The following ATAD5 variants were observed in gnomAD, a reference collection of about 807,000 sequenced individuals.
ATAD5 encodes the protein ATPase family AAA domain-containing protein 5.
A neutral mutation model predicts 176.9 loss-of-function variants in ATAD5; 58 were observed. The ratio of observed to expected loss-of-function variants is 0.33; its 90% CI spans 0.27 to 0.41. The LOEUF (loss-of-function observed/expected upper bound fraction) is 0.41. Ranked by LOEUF, ATAD5 falls within the 10% of genes least tolerant of loss-of-function variation. ATAD5 has a pLI of 1.00. For synonymous variants in ATAD5, 640 were observed against 712.6 expected, an observed-to-expected ratio of 0.90 and a Z score of 1.62; for missense variants, 1,789 against 2,094.1, an observed-to-expected ratio of 0.85 and a Z score of 2.84.
intron 19 of ATAD5, among the ~76,000 whole-genome samples, chr17:30,887,777 C>G (rs111305917): frequency 0.24 from 35,961 of 151,998 alleles, 4,388 homozygotes; most frequent in Middle Eastern, 0.28. Flanking sequence ...GATTATGCCA[C>G]TGCACTCCGG....
intron 10 of ATAD5, 109 bp downstream of exon 10, chr17:30,860,721 A>G (rs778614124): frequency 1.4e-5 from 13 of 901,600 alleles, no homozygotes; most frequent in Non-Finnish European, 2.0e-5. Context: ...TTTTAATTCA[A>G]TTGTATTTTA....
intron 19 of ATAD5, among the ~76,000 whole-genome samples, chr17:30,888,287 C>G (rs1189389411): frequency 6.6e-6 from 1 of 152,128 alleles, no homozygotes; most frequent in Non-Finnish European, 1.5e-5. Flanking sequence ...CACAGTGTCT[C>G]ACAACTGTAA....
Position 30,857,742 on chromosome 17 carries a change from AT to A in ATAD5, c.2794-403del, listed in dbSNP as rs56075512. ...AGCTTTATATTTAGTGACTAAAGCT[AT>A]TTTTTTTTTTTTTTTGAGTTGGAGT... On this transcript the variant is annotated intron_variant, in intron 8 of 22. Coordinates refer to ENST00000321990, the MANE Select transcript of ATAD5 (RefSeq NM_024857.5). Among the ~76,000 whole-genome samples, 398 of 138,162 alleles carry A rather than the reference AT, an allele frequency of 2.9e-3. 1 individual carries two copies. The highest frequency in any genetic ancestry group is 7.6e-3 in the Middle Eastern group (2 of 262). 90.6% of individuals were successfully genotyped at this position (138,162 alleles called of 152,430 possible).
At chr17:30,868,493 ATTTC>A (rs1908131827) in intron 12 of ATAD5, 81 bp downstream of exon 12, 3 of 919,198 alleles carry the variant, frequency 3.3e-6, no homozygotes, top group Non-Finnish European at 2.9e-6. Context: ...TTTCTATAAA[ATTTC>A]TTTTTTTTTT....
Position 30,843,943 on chromosome 17 carries a change from A to T in ATAD5, c.2272A>T (p.Thr758Ser). Residue 758 changes from threonine to serine, a missense_variant, in exon 5 of 23, where the codon ACT becomes TCT. Thr to Ser is a moderately conservative substitution (Grantham distance 58). Around this residue, in one of 6 missense-constraint regions of ATAD5, gnomAD observed 487 missense variants for 573.6 expected, o/e 0.85. Coordinates refer to ENST00000321990, the MANE Select transcript of ATAD5 (RefSeq NM_024857.5). ...TGTTATAATAATAGATTCAAGTCCT[A>T]CTGCTTTAAAGCATCCAGAGAAAAA... ...DSVIIIDSSPTALKHPEKNQK... is the reference protein window; with the variant it reads ...DSVIIIDSSPSALKHPEKNQK... 6.8e-7 allele frequency: 1 copy of T among 1,473,158 alleles called. No homozygotes were observed. 91.3% of individuals were successfully genotyped at this position (1,473,158 alleles called of 1,614,324 possible).
Position 30,893,971 on chromosome 17 carries a change from A to G in ATAD5, c.5118A>G (p.Gly1706=). ...SNDGWTSQSS[G]ELKAAAEALS... ...ATGGATGGACTTCTCAAAGCTCTGG[A>G]GAATTAAAGGCAGCTGCAGAAGCTC... Residue 1706 remains glycine, a synonymous_variant, in exon 21 of 23, where the codon GGA becomes GGG. Coordinates refer to ENST00000321990, the MANE Select transcript of ATAD5 (RefSeq NM_024857.5). 2 of 1,614,080 alleles carry G rather than the reference A, an allele frequency of 1.2e-6. No individual in the cohort carries two copies. The highest frequency in any genetic ancestry group is 1.7e-6 in the Non-Finnish European group (2 of 1,179,952).
At chr17:30,891,226 GT>G (rs1345191853) in intron 19 of ATAD5, among the ~76,000 whole-genome samples, 1 of 151,958 alleles carries the variant, frequency 6.6e-6, no homozygotes, top group Non-Finnish European at 1.5e-5. Flanking sequence ...GTATATGATG[GT>G]TTTTTTATGT....
At chr17:30,891,619 C>T (rs375085634) in intron 19 of ATAD5, among the ~76,000 whole-genome samples, 3 of 151,670 alleles carry the variant, frequency 2.0e-5, no homozygotes, top group East Asian at 2.0e-4. Flanking sequence ...GTGATCCACC[C>T]GCCTCGGCCT....
intron 3 of ATAD5, 92 bp from the exon 4 acceptor site, chr17:30,840,525 T>G: frequency 4.3e-6 from 4 of 933,606 alleles, no homozygotes; most frequent in Non-Finnish European, 5.9e-6. Context: ...CTTTGTTGAT[T>G]ATTTAATGTG....
chr17:30,835,807 C>T lies in ATAD5; in HGVS notation c.1726C>T (p.Gln576Ter). The change falls in exon 2 of 23, where the codon CAG (glutamine) becomes TAG (stop). Residue 576 changes from glutamine (Q) to a stop codon, truncating the protein, a stop_gained. Coordinates refer to ENST00000321990, the MANE Select transcript of ATAD5 (RefSeq NM_024857.5). LOFTEE classifies it high-confidence loss of function. The part of the protein sequence containing the change: ...SIPVKDIKLT[Q>*]SKAESEASLL... Reference sequence around the variant, plus strand: ...ACCAGTTAAAGATATTAAGCTTACACAGTCTAAAGCTGAATCTGAAGCCAG... The same window carrying T: ...ACCAGTTAAAGATATTAAGCTTACATAGTCTAAAGCTGAATCTGAAGCCAG... 1 of 1,612,368 alleles carries T rather than the reference C, an allele frequency of 6.2e-7. No individual in the cohort carries two copies. The highest frequency in any genetic ancestry group is 8.5e-7 in the Non-Finnish European group (1 of 1,179,500).
At chr17:30,851,664 C>T (rs1200803167) in intron 6 of ATAD5, among the ~76,000 whole-genome samples, 1 of 152,002 alleles carries the variant, frequency 6.6e-6, no homozygotes, top group Non-Finnish European at 1.5e-5. Flanking sequence ...CTCACTGCAT[C>T]CTCCGCCTCC....
chr17:30,852,566 T>C (rs1414872052), intron 6 of ATAD5, among the ~76,000 whole-genome samples: 2 of 152,172 alleles, frequency 1.3e-5, no homozygotes, highest in African/African-American at 4.8e-5. Flanking sequence ...CGGTAATTTA[T>C]AGAGAAAAAG....
chr17:30,882,372 G>A (rs948973950), intron 18 of ATAD5, among the ~76,000 whole-genome samples: 1 of 152,072 alleles, frequency 6.6e-6, no homozygotes, highest in African/African-American at 2.4e-5. Context: ...AGACCAGCCT[G>A]GGCAACATTG....
At chr17:30,876,574 T>A in intron 15 of ATAD5, 24 bp downstream of exon 15, 5 of 1,435,714 alleles carry the variant, frequency 3.5e-6, no homozygotes, top group Non-Finnish European at 4.8e-6. Context: ...TTGACAAATT[T>A]TATATTTTTT....
At position 30,894,894 on chromosome 17, in the gene ATAD5, TG is replaced by T; in HGVS notation, c.5518del (p.Ala1840GlnfsTer10). On this transcript the variant is annotated frameshift_variant, in exon 23 of 23. Coordinates refer to ENST00000321990, the MANE Select transcript of ATAD5 (RefSeq NM_024857.5). LOFTEE classifies it high-confidence loss of function. Reference protein sequence around the residue: ...LDIPKETVNTLAADFP With the variant: ...LDIPKETVNTXAADFP Reference sequence around the variant, plus strand: ...ATTCCAAAAGAGACTGTGAATACTTTGGCAGCTGACTTCCCTTAATGTTCCA... The same window carrying T: ...ATTCCAAAAGAGACTGTGAATACTTTGCAGCTGACTTCCCTTAATGTTCCA... 1 of 1,598,992 alleles carries T rather than the reference TG, an allele frequency of 6.3e-7. No homozygotes were observed. The highest frequency in any genetic ancestry group is 8.5e-7 in the Non-Finnish European group (1 of 1,175,522).
chr17:30,868,569 G>T (rs1193724122), intron 12 of ATAD5, among the ~76,000 whole-genome samples, 157 bp downstream of exon 12: 2 of 148,060 alleles, frequency 1.4e-5, no homozygotes, highest in African/African-American at 5.0e-5. Flanking sequence ...GTGCAGTGGC[G>T]CAATCTCGGC....
In ATAD5 at chr17:30,836,004, A is replaced by G; in HGVS notation, c.1923A>G (p.Thr641=). Residue 641 remains threonine, a synonymous_variant, in exon 2 of 23, where the codon ACA becomes ACG. Transcript: ENST00000321990. ...TATCGGAAAAGCACAGCTTATATAC[A>G]GCAGAATTAATAACAGTACCCTTTG... is the stretch of plus-strand genomic sequence containing the variant. The part of the protein sequence containing the change: ...ANLSEKHSLY[T]AELITVPFDS... The G allele has an allele frequency of 6.2e-7, 1 of 1,610,968 alleles. No individual in the cohort carries two copies. Among genetic ancestry groups the G allele is most frequent in the East Asian group, 2.2e-5 (1 of 44,858 alleles).
intron 18 of ATAD5, among the ~76,000 whole-genome samples, chr17:30,886,477 G>A (rs1248527776): frequency 2.6e-5 from 4 of 151,656 alleles, no homozygotes; most frequent in East Asian, 1.9e-4. Flanking sequence ...TTGGTTCACT[G>A]TAACCTCCAC....
chr17:30,841,091 C>A (rs1440676720), intron 4 of ATAD5, among the ~76,000 whole-genome samples: 1 of 151,894 alleles, frequency 6.6e-6, no homozygotes, highest in Non-Finnish European at 1.5e-5. Flanking sequence ...CTCACTGCAA[C>A]TTCTGCCTCC....
Sources: allele counts gnomAD v4.1 joint callset (sites outside exome capture counted in the v4.1 genomes callset), GRCh38; gene constraint gnomAD v4.1.1; regional missense constraint gnomAD v4.1.1; transcripts MANE v1.5; gene names NCBI Gene and HGNC (gene_info 2026-07-23, HGNC 2026-07-21).